Variants in EHBP1 observed in about 807,000 individuals in gnomAD.
EHBP1 encodes EH domain-binding protein 1.
EHBP1 carries 55 observed loss-of-function variants against 144.0 expected under a neutral mutation model. The observed-to-expected ratio is 0.38, with a 90% CI of 0.31 to 0.48. EHBP1 has a LOEUF of 0.48. EHBP1 is among the 20% of genes least tolerant of loss of function. The probability of loss-of-function intolerance (pLI) is 0.98; values close to 1 mark genes in which losing one functional copy is unlikely to be tolerated. For missense variants in EHBP1, 1,200 were observed against 1,364.2 expected (o/e 0.88, Z 1.90); for synonymous variants, 469 against 472.7 (o/e 0.99, Z 0.10).
At chr2:62,835,823 C>A (rs1257414036) in intron 7 of EHBP1, among the ~76,000 whole-genome samples, 1 of 152,230 alleles carries the variant, frequency 6.6e-6, no homozygotes, top group African/African-American at 2.4e-5. Context: ...ATATCCCACA[C>A]CTGGCTCGGA....
intron 3 of EHBP1, among the ~76,000 whole-genome samples, chr2:62,750,440 T>C (rs557921765): frequency 6.6e-6 from 1 of 152,354 alleles, no homozygotes; most frequent in South Asian, 2.1e-4. Context: ...TTTGTTCTTT[T>C]GGCTTAGGAT....
At position 62,964,097 on chromosome 2, in the gene EHBP1, A is replaced by G. The variant is rs547981595; in HGVS notation, c.2460+8437A>G. 1.4e-4 allele frequency among the ~76,000 whole-genome samples: 21 copies of G among 152,234 alleles called. 2 individuals are homozygous for G. Among genetic ancestry groups the G allele is most frequent in the Admixed American group, 1.2e-3 (18 of 15,276 alleles). On this transcript the variant is annotated intron_variant, in intron 14 of 22. Coordinates refer to ENST00000431489, the MANE Select transcript of EHBP1 (RefSeq NM_001142616.3). Reference sequence around the variant, plus strand: ...AATGTAAGTTGATTTCAAGTCTGCTATCCTAACAATAGTTACTAGACTTCT... The same window carrying G: ...AATGTAAGTTGATTTCAAGTCTGCTGTCCTAACAATAGTTACTAGACTTCT...
intron 15 of EHBP1, among the ~76,000 whole-genome samples, chr2:62,981,638 G>A (rs948536376): frequency 3.2e-4 from 49 of 152,214 alleles, no homozygotes; most frequent in African/African-American, 1.1e-3. Context: ...TAGGCAAGGA[G>A]ACTGTCAGTG....
intron 10 of EHBP1, among the ~76,000 whole-genome samples, chr2:62,935,437 G>A (rs2056319407): frequency 6.7e-6 from 1 of 148,748 alleles, no homozygotes; most frequent in South Asian, 2.1e-4. Context: ...CATGCATATT[G>A]TTTTTGGATT....
At chr2:62,982,814 A>G (rs1401680550) in intron 15 of EHBP1, among the ~76,000 whole-genome samples, 1 of 152,210 alleles carries the variant, frequency 6.6e-6, no homozygotes, top group Non-Finnish European at 1.5e-5. Context: ...TTCTGTTCTC[A>G]AGCAGCAACC....
intron 14 of EHBP1, among the ~76,000 whole-genome samples, chr2:62,978,725 C>G (rs2058826813): frequency 6.6e-6 from 1 of 152,090 alleles, no homozygotes; most frequent in African/African-American, 2.4e-5. Flanking sequence ...CCTAAATATG[C>G]CATTTCCTAT....
At chr2:62,732,475 G>A (rs956225284) in intron 2 of EHBP1, among the ~76,000 whole-genome samples, 1 of 152,102 alleles carries the variant, frequency 6.6e-6, no homozygotes, top group Admixed American at 6.6e-5. Flanking sequence ...ATTGAATTGT[G>A]GGGACAATTT....
chr2:62,973,622 A>G (rs2058587096), intron 14 of EHBP1, among the ~76,000 whole-genome samples: 1 of 152,370 alleles, frequency 6.6e-6, no homozygotes, highest in Admixed American at 6.5e-5. Flanking sequence ...ATAAATGCTC[A>G]GGAGATAGCA....
chr2:63,005,741 T>C (rs1045951721), intron 19 of EHBP1, among the ~76,000 whole-genome samples: 3 of 152,102 alleles, frequency 2.0e-5, no homozygotes, highest in Non-Finnish European at 2.9e-5. Context: ...TAATTGGTAT[T>C]AATAATAAGG....
intron 7 of EHBP1, among the ~76,000 whole-genome samples, chr2:62,846,889 A>G (rs942353296): frequency 1.3e-5 from 2 of 152,220 alleles, no homozygotes; most frequent in African/African-American, 4.8e-5. Context: ...CAGTATTGTT[A>G]AGATATCATT....
chr2:62,692,343 T>C (rs1020177596), intron 1 of EHBP1, among the ~76,000 whole-genome samples: 1 of 152,264 alleles, frequency 6.6e-6, no homozygotes, highest in Middle Eastern at 3.2e-3. Context: ...TGAACACTTA[T>C]GCACAAGTTT....
intron 10 of EHBP1, among the ~76,000 whole-genome samples, chr2:62,935,344 AATAT>A (rs57574909): frequency 3.7e-4 from 45 of 121,478 alleles, no homozygotes; most frequent in African/African-American, 9.8e-4. Flanking sequence ...AAAAAAAAAA[AATAT>A]ATATATATAT....
rs370865896 is a variant in EHBP1 at position 62,987,962 on chromosome 2, C to G, written c.2609-2754C>G. 12 of 1,602,936 alleles carry G rather than the reference C, an allele frequency of 7.5e-6. No individual in the cohort carries two copies. In the Admixed American group the frequency reaches 1.8e-4, roughly 25 times the overall value. ...ATGATAATATTGAGATAGATACTAA[C>G]GAGGAGATCCCTGAAGGCTTTGTTG... is the stretch of plus-strand genomic sequence containing the variant. On this transcript the variant is annotated intron_variant, in intron 15 of 22. Coordinates refer to ENST00000431489, the MANE Select transcript of EHBP1 (RefSeq NM_001142616.3).
Position 62,745,497 on chromosome 2 carries a change from T to G in EHBP1, c.105-1898T>G, listed in dbSNP as rs146581902. Among the ~76,000 whole-genome samples the G allele has an allele frequency of 6.4e-3, 971 of 152,016 alleles. 11 individuals carry two copies. The highest frequency in any genetic ancestry group is 0.021 in the African/African-American group (889 of 41,472). On this transcript the variant is annotated intron_variant, in intron 2 of 22. Coordinates refer to ENST00000431489, the MANE Select transcript of EHBP1 (RefSeq NM_001142616.3). ...TAGAAAAATGGAAGAGGAAGTTTTT[T>G]TGTGTGTGTGTTTTTTTAAACATTG... is the stretch of plus-strand genomic sequence containing the variant.
At chr2:62,719,133 T>G (rs2151911155) in intron 2 of EHBP1, among the ~76,000 whole-genome samples, 1 of 152,020 alleles carries the variant, frequency 6.6e-6, no homozygotes, top group South Asian at 2.1e-4. Context: ...GCCCGGCTAA[T>G]TTTTTGTATT....
At chr2:62,813,394 G>T (rs1317720160) in intron 5 of EHBP1, among the ~76,000 whole-genome samples, 1 of 152,224 alleles carries the variant, frequency 6.6e-6, no homozygotes, top group Non-Finnish European at 1.5e-5. Context: ...GAAGAAACTT[G>T]TTCCAGAGGT....
intron 10 of EHBP1, among the ~76,000 whole-genome samples, chr2:62,905,381 T>C (rs922246308): frequency 1.5e-4 from 23 of 152,176 alleles, no homozygotes; most frequent in Non-Finnish European, 2.5e-4. Flanking sequence ...AGCAGCATCA[T>C]CAAGGGGAAT....
intron 19 of EHBP1, among the ~76,000 whole-genome samples, chr2:63,025,700 A>G (rs868710058): frequency 6.6e-6 from 1 of 152,148 alleles, no homozygotes; most frequent in Non-Finnish European, 1.5e-5. Flanking sequence ...TCTTCACTCT[A>G]TGGGGTATTT....
chr2:62,771,324 T>C lies in EHBP1; in HGVS notation c.259-15T>C, dbSNP rs750753417. The C allele has an allele frequency of 1.3e-6, 2 of 1,586,060 alleles. No homozygotes were observed. Among genetic ancestry groups the C allele is most frequent in the East Asian group, 4.6e-5 (2 of 43,692 alleles). On this transcript the variant is annotated splice_polypyrimidine_tract_variant and intron_variant, in intron 4 of 22. Coordinates refer to ENST00000431489, the MANE Select transcript of EHBP1 (RefSeq NM_001142616.3). ...ATGTATTTCAATTCCATTTCATATT[T>C]TGCTTTTGTTACAGGATCCTCATGC...
Sources: allele counts gnomAD v4.1 joint callset (sites outside exome capture counted in the v4.1 genomes callset), GRCh38; gene constraint gnomAD v4.1.1; transcripts MANE v1.5; gene names NCBI Gene and HGNC (gene_info 2026-07-23, HGNC 2026-07-21).